NAV3: variants seen among roughly 807,000 people sequenced by gnomAD.
NAV3 encodes pore membrane and/or filament interacting like protein 1.
Under a neutral mutation model 244.7 loss-of-function variants are expected in NAV3, and 87 were observed. That is an observed-to-expected ratio of 0.36 (90% CI 0.30 to 0.42). NAV3 has a LOEUF of 0.42. Ranked by LOEUF, NAV3 falls within the 20% of genes least tolerant of loss-of-function variation. The pLI is 1.00. For missense variants in NAV3, 2,663 were observed against 2,893.3 expected (o/e 0.92, Z 1.83); for synonymous variants, 1,126 against 1,042.2 (o/e 1.08, Z -1.55).
intron 30 of NAV3, among the ~76,000 whole-genome samples, chr12:78,182,678 T>C (rs976664717): frequency 1.1e-4 from 16 of 151,978 alleles, no homozygotes; most frequent in African/African-American, 3.9e-4. Flanking sequence ...TGATTAAGAA[T>C]TTAAGGCAAT....
intron 9 of NAV3, among the ~76,000 whole-genome samples, chr12:78,026,335 T>C (rs1878047574): frequency 6.6e-6 from 1 of 152,188 alleles, no homozygotes; most frequent in African/African-American, 2.4e-5. Flanking sequence ...GAACCTCTGA[T>C]ATTAACCTAG....
At chr12:78,137,763 T>A (rs1956435332) in intron 19 of NAV3, among the ~76,000 whole-genome samples, 1 of 152,192 alleles carries the variant, frequency 6.6e-6, no homozygotes, top group African/African-American at 2.4e-5. Context: ...TGACTTTTAT[T>A]CCCAGGAATT....
chr12:77,923,238 A>G (rs1887880002), intron 1 of NAV3, among the ~76,000 whole-genome samples: 1 of 152,144 alleles, frequency 6.6e-6, no homozygotes, highest in Non-Finnish European at 1.5e-5. Context: ...TAAGAAATAA[A>G]AAGCACATTT....
At chr12:78,123,339 T>A (rs1484594339) in intron 16 of NAV3, among the ~76,000 whole-genome samples, 1 of 127,838 alleles carries the variant, frequency 7.8e-6, no homozygotes, top group Non-Finnish European at 1.7e-5. Context: ...CCCCTGTTTT[T>A]TTTATTTTTT....
intron 11 of NAV3, among the ~76,000 whole-genome samples, chr12:78,057,865 A>G (rs1200986460): frequency 1.3e-5 from 2 of 152,212 alleles, no homozygotes; most frequent in Non-Finnish European, 2.9e-5. Flanking sequence ...AACTGTCTGC[A>G]TGTCTACATG....
In NAV3 at chr12:78,050,760, A is replaced by C; in HGVS notation, c.2133-4A>C. ...TATAGTTATTTCTCCATTTTATTTG[A>C]CAGCACCCTGGAGACAACATTTGAC... is the stretch of plus-strand genomic sequence containing the variant. On this transcript the variant is annotated splice_polypyrimidine_tract_variant and splice_region_variant and intron_variant, in intron 10 of 39. Coordinates refer to ENST00000397909, the MANE Select transcript of NAV3 (RefSeq NM_001024383.2). 2 of 1,580,974 alleles carry C rather than the reference A, an allele frequency of 1.3e-6. No individual in the cohort carries two copies. The highest frequency in any genetic ancestry group is 1.7e-6 in the Non-Finnish European group (2 of 1,158,738).
chr12:77,917,600 GC>G (rs1887278485), intron 1 of NAV3, among the ~76,000 whole-genome samples: 1 of 151,864 alleles, frequency 6.6e-6, no homozygotes, highest in Non-Finnish European at 1.5e-5. Context: ...TTGCCTGTTT[GC>G]CCTCCTTGCA....
chr12:77,797,549 T>A (rs1188300585), intron 2 of NAV3, among the ~76,000 whole-genome samples: 15 of 79,780 alleles, frequency 1.9e-4, no homozygotes, highest in Non-Finnish European at 3.9e-4. Context: ...TTTTTTTTTT[T>A]AAAGTAGCTT....
At chr12:77,769,958 A>G (rs1437538908) in intron 2 of NAV3, among the ~76,000 whole-genome samples, 1 of 152,218 alleles carries the variant, frequency 6.6e-6, no homozygotes, top group South Asian at 2.1e-4. Flanking sequence ...CAAATACACA[A>G]AATGTATGTT....
intron 1 of NAV3, among the ~76,000 whole-genome samples, chr12:77,873,538 G>T (rs972121568): frequency 6.6e-6 from 1 of 150,720 alleles, no homozygotes; most frequent in African/African-American, 2.4e-5. Context: ...TAGCATTTCT[G>T]TTATATGTAA....
intron 3 of NAV3, among the ~76,000 whole-genome samples, chr12:77,951,152 A>T (rs1039519238): frequency 1.3e-5 from 2 of 152,222 alleles, no homozygotes; most frequent in African/African-American, 4.8e-5. Flanking sequence ...ATGGGAGAAA[A>T]GTTTTGCAAT....
rs117997734 is a variant in NAV3 at position 77,653,207 on chromosome 12, G to A, written c.72+80941G>A. ...TGCCAAAATGCTCAGGTAGACTTAC[G>A]TAAGCACCTGCTTTGGCTGTTCAAG... On this transcript the variant is annotated intron_variant, in intron 2 of 8. Transcript: ENST00000550042. Among the ~76,000 whole-genome samples, 815 of 152,314 alleles carry A rather than the reference G, an allele frequency of 5.4e-3. 3 individuals carry two copies. The highest frequency in any genetic ancestry group is 8.6e-3 in the Non-Finnish European group (582 of 68,026).
chr12:77,594,760 C>A (rs143690766), intron 2 of NAV3, among the ~76,000 whole-genome samples: 3 of 152,176 alleles, frequency 2.0e-5, no homozygotes, highest in Admixed American at 2.0e-4. Flanking sequence ...CATTTTACTT[C>A]ATAGAATTTG....
chr12:77,942,400 A>G (rs1889963892), intron 3 of NAV3, among the ~76,000 whole-genome samples: 3 of 151,606 alleles, frequency 2.0e-5, no homozygotes, highest in Admixed American at 1.3e-4. Context: ...AATAAATAAT[A>G]AAATCAAATA....
Position 78,200,586 on chromosome 12 carries a change from C to T in NAV3, c.6829C>T (p.Leu2277Phe). ...TATTCTGGAGGCAGTGAGAGAGGGT[C>T]TTCAGGTATAGTACTCAATTTTCAT... ...PYILEAVREG[L>F]QMYGKRTPWE... Residue 2277 changes from leucine (L) to phenylalanine (F), a missense_variant, in exon 38 of 40, where the codon CTT (leucine) becomes TTT (phenylalanine). Around this residue, in one of 6 missense-constraint regions of NAV3, gnomAD observed 543 missense variants for 672.4 expected, o/e 0.81. Coordinates refer to ENST00000397909, the MANE Select transcript of NAV3 (RefSeq NM_001024383.2). 1 of 1,509,508 alleles carries T rather than the reference C, an allele frequency of 6.6e-7. No individual in the cohort carries two copies. The highest frequency in any genetic ancestry group is 1.3e-5 in the South Asian group (1 of 76,378). 93.5% of individuals were successfully genotyped at this position (1,509,508 alleles called of 1,614,324 possible). A position where few individuals can be genotyped will look rare whatever the true frequency, so the allele number is the denominator to read the frequency against.
At chr12:77,849,268 AATT>A (rs1877121306) in intron 1 of NAV3, among the ~76,000 whole-genome samples, 1 of 150,250 alleles carries the variant, frequency 6.7e-6, no homozygotes, top group African/African-American at 2.5e-5. Flanking sequence ...AATAAAAAAT[AATT>A]ATTTTTATGA....
At chr12:78,105,897 T>C (rs914261511) in intron 12 of NAV3, among the ~76,000 whole-genome samples, 11 of 151,598 alleles carry the variant, frequency 7.3e-5, no homozygotes, top group African/African-American at 2.7e-4. Flanking sequence ...ATTTTATATT[T>C]TATGATATTC....
chr12:78,072,789 A>C (rs1305224689), intron 12 of NAV3, among the ~76,000 whole-genome samples: 4 of 138,186 alleles, frequency 2.9e-5, no homozygotes, highest in Non-Finnish European at 6.3e-5. Flanking sequence ...AATCCTCAAT[A>C]AAATACTGGC....
intron 2 of NAV3, among the ~76,000 whole-genome samples, chr12:77,779,967 T>A (rs1301088207): frequency 2.0e-5 from 3 of 152,254 alleles, no homozygotes; most frequent in Non-Finnish European, 2.9e-5. Flanking sequence ...CATTACGACA[T>A]GCCCGCTTGC....
Sources: gnomAD v4.1 joint callset for allele counts (sites outside exome capture counted in the v4.1 genomes callset) on GRCh38, gnomAD v4.1.1 for gene constraint, gnomAD v4.1.1 regional missense constraint, MANE v1.5 for transcripts, NCBI Gene and HGNC (gene_info 2026-07-23, HGNC 2026-07-21) for gene names.